Variants in FNTB observed in about 807,000 individuals in gnomAD.
FNTB encodes protein farnesyltransferase subunit beta.
In FNTB, 27 loss-of-function variants were observed where a neutral mutation model predicts 59.4. The ratio of observed to expected loss-of-function variants is 0.45; its 90% CI spans 0.34 to 0.63. The LOEUF (loss-of-function observed/expected upper bound fraction) is 0.63, where lower values mean the gene tolerates loss of function less well. Ranked by LOEUF, FNTB falls within the 20% of genes least tolerant of loss-of-function variation. FNTB has a pLI of 0.02. For synonymous variants in FNTB, 230 were observed against 220.7 expected, an observed-to-expected ratio of 1.04 and a Z score of -0.37; for missense variants, 449 against 559.6, an observed-to-expected ratio of 0.80 and a Z score of 1.99.
chr14:65,053,527 C>T (rs1210271824), intron 10 of FNTB, among the ~76,000 whole-genome samples, 178 bp downstream of exon 10: 1 of 151,958 alleles, frequency 6.6e-6, no homozygotes, highest in African/African-American at 2.4e-5. Context: ...GGCCATTGAT[C>T]TTGGCACCTC....
chr14:65,009,544 T>C lies in FNTB; in HGVS notation c.210-2773T>C, dbSNP rs975374532. On this transcript the variant is annotated intron_variant, in intron 2 of 11. Transcript: ENST00000246166. This position sits in a 1 kb window ranked among gnomAD's most constrained non-coding sequence, Gnocchi z 4.2. Reference sequence around the variant, plus strand: ...TTTCGCTAGCTTCGTACCCATCATTTCTCGCTCAAAGAATGCAGCATCCTT... The same window carrying C: ...TTTCGCTAGCTTCGTACCCATCATTCCTCGCTCAAAGAATGCAGCATCCTT... 1.3e-4 allele frequency among the ~76,000 whole-genome samples: 20 copies of C among 152,062 alleles called. No individual in the cohort carries two copies. Among genetic ancestry groups the C allele is most frequent in the African/African-American group, 4.8e-4 (20 of 41,390 alleles).
At position 65,027,434 on chromosome 14, in the gene FNTB, C is replaced by T; in HGVS notation, c.375-19C>T. 6.2e-7 allele frequency: 1 copy of T among 1,611,824 alleles called. No homozygotes were observed. The highest frequency in any genetic ancestry group is 8.5e-7 in the Non-Finnish European group (1 of 1,179,234). On this transcript the variant is annotated intron_variant, in intron 4 of 11. Transcript: ENST00000246166. The surrounding 1 kb of genome is among the most constrained non-coding windows in gnomAD (Gnocchi z 5.7). ...GAATGCTCTCTGACTTTGTTTTTGCCCTTTGGCTGTGTACCTAGTGTGTGT... is the reference window on the plus strand; with the variant it reads ...GAATGCTCTCTGACTTTGTTTTTGCTCTTTGGCTGTGTACCTAGTGTGTGT...
rs890416773 is a variant in FNTB at position 65,044,545 on chromosome 14, C to T, written c.955+102C>T. The T allele has an allele frequency of 4.7e-6, 7 of 1,492,906 alleles. No homozygotes were observed. In the African/African-American group the frequency reaches 8.5e-5, roughly 18 times the overall value. 92.5% of individuals were successfully genotyped at this position (1,492,906 alleles called of 1,614,324 possible). ...TTTTTTAGAGGGGTTGAAATGAGCTCTGTCTATCCTGGATTTTGAGTGCCC... is the reference window on the plus strand; with the variant it reads ...TTTTTTAGAGGGGTTGAAATGAGCTTTGTCTATCCTGGATTTTGAGTGCCC... On this transcript the variant is annotated intron_variant, in intron 9 of 11. Coordinates refer to ENST00000246166, the MANE Select transcript of FNTB (RefSeq NM_002028.4). This position sits in a 1 kb window ranked among gnomAD's most constrained non-coding sequence, Gnocchi z 5.5.
rs146790992 is a variant in FNTB, at chr14:64,995,727, A to T, written c.145-8522A>T. ...TGTATATTATATATGTATATATTTT[A>T]TATATATACATGTGTGCATATAAGT... On this transcript the variant is annotated intron_variant, in intron 1 of 11. Coordinates refer to ENST00000246166, the MANE Select transcript of FNTB (RefSeq NM_002028.4). Among the ~76,000 whole-genome samples the T allele has an allele frequency of 2.4e-3, 357 of 150,422 alleles. 2 individuals are homozygous for T. The highest frequency in any genetic ancestry group is 8.1e-3 in the African/African-American group (334 of 41,036).
At chr14:65,042,268 C>T (rs2093990) in intron 8 of FNTB, among the ~76,000 whole-genome samples, 150,370 of 152,334 alleles carry the variant, frequency 0.99, 74,221 homozygotes, top group Middle Eastern at 1. Context: ...TATTATTACA[C>T]TGTAATATAT....
intron 1 of FNTB, among the ~76,000 whole-genome samples, chr14:64,998,155 A>C (rs1888471786): frequency 6.6e-6 from 1 of 152,218 alleles, no homozygotes; most frequent in East Asian, 1.9e-4. Context: ...TAAATTATGA[A>C]TGAAGAAAGT....
chr14:65,033,353 C>T (rs1039954559), intron 7 of FNTB, among the ~76,000 whole-genome samples: 13 of 152,018 alleles, frequency 8.6e-5, no homozygotes, highest in African/African-American at 2.2e-4. Flanking sequence ...AACATGTATA[C>T]GAAAGATAAA....
Position 65,007,112 on chromosome 14 carries a change from T to C in FNTB, c.209+2799T>C, listed in dbSNP as rs2061607019. 6.6e-6 allele frequency among the ~76,000 whole-genome samples: 1 copy of C among 152,224 alleles called. No homozygotes were observed. Among genetic ancestry groups the C allele is most frequent in the African/African-American group, 2.4e-5 (1 of 41,454 alleles). ...TATTGGAGATACTATACATTTTGGC[T>C]GAATGGCTGAGTATATAATTCAACA... is the stretch of plus-strand genomic sequence containing the variant. On this transcript the variant is annotated intron_variant, in intron 2 of 11. Transcript: ENST00000246166. The surrounding 1 kb of genome is among the most constrained non-coding windows in gnomAD (Gnocchi z 4.9).
In FNTB at chr14:65,023,836, C is replaced by T. The variant is rs1382261131; in HGVS notation, c.375-3617C>T. Among the ~76,000 whole-genome samples the T allele has an allele frequency of 6.6e-6, 1 of 152,176 alleles. No individual in the cohort carries two copies. The highest frequency in any genetic ancestry group is 1.5e-5 in the Non-Finnish European group (1 of 68,036). ...GGACTCTCAGCCGGGCATGGTGGCT[C>T]ACGCCTGTAATCCTAGCACTTTGGG... On this transcript the variant is annotated intron_variant, in intron 4 of 11. Transcript: ENST00000246166. The surrounding 1 kb of genome is among the most constrained non-coding windows in gnomAD (Gnocchi z 4.1).
At chr14:65,059,685 G>A (rs1361803550) in intron 11 of FNTB, among the ~76,000 whole-genome samples, 4 of 151,970 alleles carry the variant, frequency 2.6e-5, no homozygotes, top group African/African-American at 9.7e-5. Flanking sequence ...ATTGGCCTAG[G>A]ATTATGCCGT....
chr14:65,060,693 G>A (rs1204648900), intron 11 of FNTB, among the ~76,000 whole-genome samples: 4 of 38,396 alleles, frequency 1.0e-4, no homozygotes, highest in Admixed American at 7.1e-4. Context: ...GAGAGACTCC[G>A]TCTCAAAAAA....
In FNTB at chr14:65,029,617, A is replaced by G. The variant is rs969756711; in HGVS notation, c.605+1836A>G. 4.6e-5 allele frequency among the ~76,000 whole-genome samples: 7 copies of G among 152,176 alleles called. No homozygotes were observed. The highest frequency in any genetic ancestry group is 1.7e-4 in the African/African-American group (7 of 41,440). On this transcript the variant is annotated intron_variant, in intron 6 of 11. Coordinates refer to ENST00000246166, the MANE Select transcript of FNTB (RefSeq NM_002028.4). This position sits in a 1 kb window ranked among gnomAD's most constrained non-coding sequence, Gnocchi z 4.7. The stretch of plus-strand genomic sequence containing the variant: ...ATATAATCTAGATCATTCTGTGAGG[A>G]TAAGGTGGAGGCAGGGATCTAGCAT...
intron 9 of FNTB, among the ~76,000 whole-genome samples, chr14:65,050,569 C>G (rs1464621992): frequency 6.6e-6 from 1 of 152,060 alleles, no homozygotes; most frequent in Admixed American, 6.6e-5. Context: ...CCAGCCTGGG[C>G]GACAGAGCAA....
chr14:64,987,979 T>TA (rs2140030079), intron 1 of FNTB, among the ~76,000 whole-genome samples: 1 of 152,226 alleles, frequency 6.6e-6, no homozygotes, highest in East Asian at 1.9e-4. Flanking sequence ...TTCTGCTGCT[T>TA]ACTGAAATAA....
Position 65,001,202 on chromosome 14 carries a change from A to G in FNTB, c.145-3047A>G, listed in dbSNP as rs1206413598. Among the ~76,000 whole-genome samples the G allele has an allele frequency of 1.3e-5, 2 of 152,250 alleles. No homozygotes were observed. The highest frequency in any genetic ancestry group is 2.9e-5 in the Non-Finnish European group (2 of 68,048). Reference sequence around the variant, plus strand: ...AAGTAATCTAGAGATGATTTAAAATACAGGCGTGCACTATATAACAATCAA... The same window carrying G: ...AAGTAATCTAGAGATGATTTAAAATGCAGGCGTGCACTATATAACAATCAA... On this transcript the variant is annotated intron_variant, in intron 1 of 11. Transcript: ENST00000246166. This position sits in a 1 kb window ranked among gnomAD's most constrained non-coding sequence, Gnocchi z 5.5.
chr14:64,995,379 A>G (rs1888354300), intron 1 of FNTB, among the ~76,000 whole-genome samples: 1 of 152,198 alleles, frequency 6.6e-6, no homozygotes, highest in African/African-American at 2.4e-5. Flanking sequence ...GTTTATTATC[A>G]TTATCAAGTG....
chr14:65,046,857 T>C (rs1873359340), intron 9 of FNTB, among the ~76,000 whole-genome samples: 1 of 151,776 alleles, frequency 6.6e-6, no homozygotes, highest in African/African-American at 2.4e-5. Flanking sequence ...TGTTTGCTTC[T>C]GTTTGTATTT....
Position 65,044,077 on chromosome 14 carries a change from G to T in FNTB, c.823-234G>T, listed in dbSNP as rs887780052. On this transcript the variant is annotated intron_variant, in intron 8 of 11. Coordinates refer to ENST00000246166, the MANE Select transcript of FNTB (RefSeq NM_002028.4). This position sits in a 1 kb window ranked among gnomAD's most constrained non-coding sequence, Gnocchi z 5.5. ...CCAGGAAAAGGTAGTTGTCTGCCAG[G>T]CATTGAGCAGAGATCAGTGCTGGAT... Among the ~76,000 whole-genome samples the T allele has an allele frequency of 2.6e-5, 4 of 152,270 alleles. No homozygotes were observed. The highest frequency in any genetic ancestry group is 7.2e-5 in the African/African-American group (3 of 41,546).
At chr14:64,988,717 C>T (rs1303774402) in intron 1 of FNTB, among the ~76,000 whole-genome samples, 3 of 152,152 alleles carry the variant, frequency 2.0e-5, no homozygotes, top group Non-Finnish European at 2.9e-5. Flanking sequence ...CAGTCGTGAG[C>T]CACTGCTCCT....
Sources: allele counts gnomAD v4.1 joint callset (sites outside exome capture counted in the v4.1 genomes callset), GRCh38; gene constraint gnomAD v4.1.1; non-coding constraint Gnocchi (gnomAD v3.1); transcripts MANE v1.5; gene names NCBI Gene and HGNC (gene_info 2026-07-23, HGNC 2026-07-21).